Variants in ZRANB3 observed in about 807,000 individuals in gnomAD.
The protein encoded by ZRANB3 is zinc finger RANBP2-type containing 3.
In ZRANB3, 125 loss-of-function variants were observed where a neutral mutation model predicts 133.8. That is an observed-to-expected ratio of 0.93 (90% CI 0.81 to 1.08). ZRANB3 has a LOEUF of 1.08. Ranked by LOEUF, ZRANB3 falls within the 50% of genes least tolerant of loss-of-function variation. The probability of loss-of-function intolerance (pLI) is 0.00; values close to 1 mark genes in which losing one functional copy is unlikely to be tolerated. For synonymous variants in ZRANB3, 387 were observed against 432.7 expected (o/e 0.89, Z 1.31); for missense variants, 1,229 against 1,275.5 (o/e 0.96, Z 0.56).
At chr2:135,207,942 C>T in intron 18 of ZRANB3, 106 bp from the exon 19 acceptor site, 1 of 1,070,114 alleles carries the variant, frequency 9.3e-7, no homozygotes, top group Non-Finnish European at 1.3e-6. Context: ...AAATAGTAAA[C>T]ACAGATCACA....
intron 2 of ZRANB3, among the ~76,000 whole-genome samples, chr2:135,476,201 A>T (rs1173619528): frequency 6.6e-6 from 1 of 152,252 alleles, no homozygotes; most frequent in African/African-American, 2.4e-5. Context: ...AACAAACGGC[A>T]TGAAAACACT....
At chr2:135,323,034 T>C (rs1005398890) in intron 6 of ZRANB3, among the ~76,000 whole-genome samples, 5 of 150,242 alleles carry the variant, frequency 3.3e-5, no homozygotes, top group African/African-American at 1.2e-4. Context: ...TTTTTTTTTT[T>C]AGTCTCCCTG....
chr2:135,312,971 G>C (rs1683072214), intron 8 of ZRANB3, among the ~76,000 whole-genome samples: 1 of 149,988 alleles, frequency 6.7e-6, no homozygotes, highest in African/African-American at 2.5e-5. Flanking sequence ...AGTGAGCTGA[G>C]ATTGAGCCAC....
chr2:135,442,912 C>T (rs1310136308), intron 2 of ZRANB3, among the ~76,000 whole-genome samples: 2 of 151,892 alleles, frequency 1.3e-5, no homozygotes, highest in Non-Finnish European at 2.9e-5. Flanking sequence ...GTCAGGAAGT[C>T]GAGACCATCC....
At chr2:135,292,424 C>T (rs957568241) in intron 8 of ZRANB3, among the ~76,000 whole-genome samples, 4 of 152,086 alleles carry the variant, frequency 2.6e-5, no homozygotes, top group Non-Finnish European at 5.9e-5. Context: ...ATATCCTTCG[C>T]CCACTTTTTG....
chr2:135,491,331 G>A (rs1410529714), intron 2 of ZRANB3, among the ~76,000 whole-genome samples: 1 of 150,392 alleles, frequency 6.6e-6, no homozygotes, highest in Non-Finnish European at 1.5e-5. Context: ...AAGAAATAAT[G>A]TTAAGTATTT....
chr2:135,288,255 A>G (rs939621528), intron 8 of ZRANB3, among the ~76,000 whole-genome samples: 2 of 152,132 alleles, frequency 1.3e-5, no homozygotes, highest in Non-Finnish European at 2.9e-5. Flanking sequence ...GTGTGTGTTA[A>G]GCTATCCCAG....
At chr2:135,309,353 C>T (rs1270581257) in intron 8 of ZRANB3, among the ~76,000 whole-genome samples, 4 of 152,106 alleles carry the variant, frequency 2.6e-5, no homozygotes, top group African/African-American at 4.8e-5. Flanking sequence ...TAAGGCTGTT[C>T]AGTCCTATCA....
intron 3 of ZRANB3, among the ~76,000 whole-genome samples, chr2:135,361,725 AG>A (rs1685703173): frequency 6.6e-6 from 1 of 152,218 alleles, no homozygotes; most frequent in Non-Finnish European, 1.5e-5. Flanking sequence ...AATCTTAGTG[AG>A]GATTTCAATT....
At chr2:135,209,071 G>A in intron 17 of ZRANB3, 93 bp from the exon 18 acceptor site, 1 of 1,194,680 alleles carries the variant, frequency 8.4e-7, no homozygotes, top group Non-Finnish European at 1.2e-6. Flanking sequence ...AGCAATAGAA[G>A]AAAAAGCAAG....
At chr2:135,335,302 G>C (rs188903509) in intron 6 of ZRANB3, among the ~76,000 whole-genome samples, 61 of 151,738 alleles carry the variant, frequency 4.0e-4, no homozygotes, top group African/African-American at 1.4e-3. Context: ...TATTCTGGGT[G>C]ACACAGAATA....
intron 3 of ZRANB3, among the ~76,000 whole-genome samples, chr2:135,356,327 G>A (rs942498742): frequency 2.0e-5 from 3 of 152,092 alleles, no homozygotes; most frequent in African/African-American, 7.2e-5. Context: ...TAACGCATAT[G>A]TTAATTACCT....
rs1695562050 is a variant in ZRANB3, at chr2:135,241,742, T to C, written c.1540-10815A>G. ...TGGTAGGGATGATATTTTCAGTTAC[T>C]GCAATAGAAAATACAGAAAGATAAA... On this transcript the variant is annotated intron_variant, in intron 12 of 20. Transcript: ENST00000264159. Among the ~76,000 whole-genome samples, 3 of 152,084 alleles carry C rather than the reference T, an allele frequency of 2.0e-5. No homozygotes were observed. In the South Asian group the frequency reaches 6.2e-4, roughly 32 times the overall value.
In ZRANB3 at chr2:135,418,925, C is replaced by CTTTTTTTTTTT. The variant is rs769271961; in HGVS notation, c.162-28116_162-28106dup. Among the ~76,000 whole-genome samples the CTTTTTTTTTTT allele has an allele frequency of 4.0e-4, 34 of 85,900 alleles. 1 individual carries two copies. Among genetic ancestry groups the CTTTTTTTTTTT allele is most frequent in the African/African-American group, 1.2e-3 (27 of 22,112 alleles). The allele number at this position is 85,900 out of a possible 152,430, so 56.4% of individuals were successfully genotyped here. ...AAGTAATGAAAAATAAGGATTCTCTCTTTTTTTTTTTTTTTTTTTTTTTTT... is the reference window on the plus strand; with the variant it reads ...AAGTAATGAAAAATAAGGATTCTCTCTTTTTTTTTTTTTTTTTTTTTTTTTTTTTTTTTTTT... On this transcript the variant is annotated intron_variant, in intron 2 of 20. Transcript: ENST00000264159.
At chr2:135,321,430 A>T (rs747888480) in intron 6 of ZRANB3, among the ~76,000 whole-genome samples, 4 of 150,150 alleles carry the variant, frequency 2.7e-5, no homozygotes, top group Non-Finnish European at 5.9e-5. Flanking sequence ...AAATCTTTTA[A>T]CTGTTTTTAA....
intron 6 of ZRANB3, among the ~76,000 whole-genome samples, chr2:135,321,392 T>G (rs778377186): frequency 2.0e-5 from 3 of 152,198 alleles, no homozygotes; most frequent in Non-Finnish European, 2.9e-5. Context: ...TTGACTTCTG[T>G]ATATCGCCTT....
chr2:135,245,028 T>C (rs2105087729), intron 12 of ZRANB3, among the ~76,000 whole-genome samples: 1 of 152,274 alleles, frequency 6.6e-6, no homozygotes, highest in East Asian at 1.9e-4. Context: ...AGAAAGGAAA[T>C]CATTTTAATA....
intron 20 of ZRANB3, 174 bp downstream of exon 20, chr2:135,202,658 T>A: frequency 3.1e-6 from 2 of 635,594 alleles, no homozygotes; most frequent in Non-Finnish European, 4.9e-6. Context: ...TTCTCTTGCA[T>A]CTGTGACACG....
At chr2:135,438,302 C>T (rs1172561771) in intron 2 of ZRANB3, among the ~76,000 whole-genome samples, 2 of 151,748 alleles carry the variant, frequency 1.3e-5, no homozygotes, top group Admixed American at 6.6e-5. Flanking sequence ...GTCAGGAGTT[C>T]GAGACCAGCC....
Sources: allele counts gnomAD v4.1 joint callset (sites outside exome capture counted in the v4.1 genomes callset), GRCh38; gene constraint gnomAD v4.1.1; transcripts MANE v1.5; gene names NCBI Gene and HGNC (gene_info 2026-07-23, HGNC 2026-07-21).